Variants in RNF11 observed in about 807,000 individuals in gnomAD.
RNF11 encodes the protein ring finger protein 11.
A neutral mutation model predicts 15.8 loss-of-function variants in RNF11; 4 were observed. That is an observed-to-expected ratio of 0.25 (90% CI 0.12 to 0.58). The LOEUF (loss-of-function observed/expected upper bound fraction) is 0.58. RNF11 is among the 20% of genes least tolerant of loss of function. The pLI is 0.91. For missense variants in RNF11, 139 were observed against 194.4 expected (o/e 0.71, Z 1.70); for synonymous variants, 68 against 72.3 (o/e 0.94, Z 0.30).
chr1:51,244,209 T>C (rs1156465992), intron 1 of RNF11, among the ~76,000 whole-genome samples: 1 of 152,210 alleles, frequency 6.6e-6, no homozygotes, highest in East Asian at 1.9e-4. Context: ...ACTTATACTT[T>C]AGTGAATGTA....
chr1:51,260,585 CAG>C (rs1447082829), intron 1 of RNF11, among the ~76,000 whole-genome samples: 1 of 152,148 alleles, frequency 6.6e-6, no homozygotes, highest in Non-Finnish European at 1.5e-5. Flanking sequence ...CTGGAGGTAA[CAG>C]AATAGTGCAT....
At chr1:51,251,600 A>G (rs1029256899) in intron 1 of RNF11, 3 of 518,660 alleles carry the variant, frequency 5.8e-6, no homozygotes, top group East Asian at 6.4e-5. Flanking sequence ...ATACTAGTCC[A>G]TTTTATCATT....
chr1:51,261,381 A>AGAGT (rs1646930131), intron 1 of RNF11, among the ~76,000 whole-genome samples: 1 of 152,160 alleles, frequency 6.6e-6, no homozygotes, highest in Non-Finnish European at 1.5e-5. Context: ...AGGCAATCCC[A>AGAGT]GAGTGAGCTC....
chr1:51,244,477 C>G (rs548267018), intron 1 of RNF11, among the ~76,000 whole-genome samples: 1 of 152,176 alleles, frequency 6.6e-6, no homozygotes, highest in Non-Finnish European at 1.5e-5. Flanking sequence ...CTCCGCCTCC[C>G]GGGTTCACGC....
intron 1 of RNF11, among the ~76,000 whole-genome samples, chr1:51,249,652 T>A (rs1481616838): frequency 6.6e-6 from 1 of 152,228 alleles, no homozygotes; most frequent in Non-Finnish European, 1.5e-5. Context: ...CACATTCTTT[T>A]TCATTGCTAT....
intron 1 of RNF11, among the ~76,000 whole-genome samples, chr1:51,241,257 GT>G (rs1428978915): frequency 3.3e-5 from 5 of 152,146 alleles, no homozygotes; most frequent in Admixed American, 2.6e-4. Flanking sequence ...CCTGGCTCAG[GT>G]TTTAAAAAAA....
intron 1 of RNF11, among the ~76,000 whole-genome samples, chr1:51,267,366 G>T (rs938711171): frequency 3.9e-5 from 6 of 152,140 alleles, no homozygotes; most frequent in Admixed American, 3.3e-4. Context: ...CCCCAGGTTT[G>T]GTGATTCAAT....
intron 1 of RNF11, among the ~76,000 whole-genome samples, chr1:51,261,891 G>A (rs1392829120): frequency 6.6e-6 from 1 of 152,076 alleles, no homozygotes; most frequent in African/African-American, 2.4e-5. Context: ...ACGGCTCGTT[G>A]CTATGGCTCA....
At chr1:51,268,448 T>G (rs1284113527) in intron 1 of RNF11, among the ~76,000 whole-genome samples, 1 of 152,236 alleles carries the variant, frequency 6.6e-6, no homozygotes, top group Non-Finnish European at 1.5e-5. Context: ...GTTTTTATTT[T>G]CTTCTTTAAT....
intron 1 of RNF11, among the ~76,000 whole-genome samples, chr1:51,262,057 G>A (rs1358245514): frequency 6.6e-6 from 1 of 152,180 alleles, no homozygotes; most frequent in Non-Finnish European, 1.5e-5. Flanking sequence ...GTTTCACTAT[G>A]TTGGCCAGGC....
intron 2 of RNF11, 105 bp downstream of exon 2, chr1:51,270,230 GA>G: frequency 1.3e-6 from 1 of 765,434 alleles, no homozygotes; most frequent in Admixed American, 3.0e-5. Flanking sequence ...TTAATATATT[GA>G]AACACTTCGC....
intron 1 of RNF11, 132 bp from the exon 2 acceptor site, chr1:51,269,824 T>C (rs1646970231): frequency 1.4e-6 from 1 of 695,060 alleles, no homozygotes; most frequent in Admixed American, 2.8e-5. Context: ...TGAAACACAG[T>C]CATACAGCCA....
chr1:51,236,663 A>ACC lies in RNF11; in HGVS notation c.-91_-90dup, dbSNP rs1449733148. 1.3e-6 allele frequency: 2 copies of ACC among 1,549,236 alleles called. No homozygotes were observed. The highest frequency in any genetic ancestry group is 3.5e-5 in the Admixed American group (2 of 57,226). On this transcript the variant is annotated 5_prime_UTR_variant, in exon 1 of 3. Transcript: ENST00000242719. ...CGCCTGATCCCCGGCCTGTCGCCCG[A>ACC]CCCCACCTCGCCAACCGAGGCGGAC...
intron 1 of RNF11, chr1:51,251,201 G>T: frequency 2.1e-6 from 3 of 1,419,250 alleles, no homozygotes; most frequent in Non-Finnish European, 2.9e-6. Context: ...AAAAGTCAAT[G>T]ATCTCTGATT....
At chr1:51,251,262 A>G in intron 1 of RNF11, 1 of 1,340,962 alleles carries the variant, frequency 7.5e-7, no homozygotes, top group East Asian at 2.3e-5. Context: ...CTTGATCTTC[A>G]TGTCCTTCAC....
At chr1:51,263,156 A>C (rs1297825856) in intron 1 of RNF11, among the ~76,000 whole-genome samples, 1 of 152,200 alleles carries the variant, frequency 6.6e-6, no homozygotes, top group East Asian at 1.9e-4. Flanking sequence ...GGTTTTGCAG[A>C]GTTCCATTCA....
intron 1 of RNF11, among the ~76,000 whole-genome samples, chr1:51,238,955 C>G (rs1646817201): frequency 1.3e-5 from 2 of 152,126 alleles, no homozygotes; most frequent in African/African-American, 4.8e-5. Flanking sequence ...GTCTTGAACT[C>G]CTGACCTCAA....
At chr1:51,267,678 A>G (rs1432463948) in intron 1 of RNF11, among the ~76,000 whole-genome samples, 1 of 152,258 alleles carries the variant, frequency 6.6e-6, no homozygotes, top group Non-Finnish European at 1.5e-5. Flanking sequence ...GGTGTTGAAC[A>G]TAAACCATAT....
At chr1:51,242,388 G>T (rs1333282316) in intron 1 of RNF11, among the ~76,000 whole-genome samples, 12 of 146,278 alleles carry the variant, frequency 8.2e-5, no homozygotes, top group Admixed American at 2.1e-4. Context: ...GCACTTAGGT[G>T]GCAGAGGCAG....
Sources: gnomAD v4.1 joint callset for allele counts (sites outside exome capture counted in the v4.1 genomes callset) on GRCh38, gnomAD v4.1.1 for gene constraint, MANE v1.5 for transcripts, NCBI Gene and HGNC (gene_info 2026-07-23, HGNC 2026-07-21) for gene names.